ARHGAP18: variants seen among roughly 807,000 people sequenced by gnomAD.
The protein encoded by ARHGAP18 is rho GTPase-activating protein 18.
In ARHGAP18, 67 loss-of-function variants were observed where a neutral mutation model predicts 86.2. That is an observed-to-expected ratio of 0.78 (90% CI 0.64 to 0.95). ARHGAP18 has a LOEUF of 0.95. Ranked by LOEUF, ARHGAP18 falls within the 40% of genes least tolerant of loss-of-function variation. The pLI is 0.00. For missense variants in ARHGAP18, 691 were observed against 780.4 expected, an observed-to-expected ratio of 0.89 and a Z score of 1.37; for synonymous variants, 283 against 280.4, an observed-to-expected ratio of 1.01 and a Z score of -0.09.
intron 12 of ARHGAP18, among the ~76,000 whole-genome samples, chr6:129,592,965 T>G (rs894322267): frequency 1.2e-4 from 18 of 152,190 alleles, no homozygotes; most frequent in African/African-American, 4.1e-4. Context: ...TGTACTATTC[T>G]TTCTACTCGT....
chr6:129,691,904 C>T lies in ARHGAP18; in HGVS notation c.113+18120G>A, dbSNP rs148903587. 1.1e-3 allele frequency among the ~76,000 whole-genome samples: 166 copies of T among 152,310 alleles called. 1 individual carries two copies. The highest frequency in any genetic ancestry group is 3.3e-3 in the African/African-American group (138 of 41,562). On this transcript the variant is annotated intron_variant, in intron 1 of 14. Coordinates refer to ENST00000368149, the MANE Select transcript of ARHGAP18 (RefSeq NM_033515.3). ...CCTGCTCAGCCCACACTGGCTTCTC[C>T]AGTCCTTGGCTGTTCTTGCAAGCCA...
intron 3 of ARHGAP18, among the ~76,000 whole-genome samples, chr6:129,637,391 A>G (rs2114495510): frequency 6.6e-6 from 1 of 152,196 alleles, no homozygotes; most frequent in African/African-American, 2.4e-5. Context: ...CCCTTCATTC[A>G]TCAATCCCAC....
At chr6:129,691,563 T>C (rs1774529132) in intron 1 of ARHGAP18, among the ~76,000 whole-genome samples, 1 of 152,172 alleles carries the variant, frequency 6.6e-6, no homozygotes, top group East Asian at 1.9e-4. Context: ...GGCCAAGGGT[T>C]CACAGAACAA....
At chr6:129,659,471 ATT>A (rs1773906412) in intron 1 of ARHGAP18, among the ~76,000 whole-genome samples, 1 of 151,610 alleles carries the variant, frequency 6.6e-6, no homozygotes, top group African/African-American at 2.4e-5. Context: ...ATTTTATTTT[ATT>A]TTATTTTTTA....
intron 12 of ARHGAP18, among the ~76,000 whole-genome samples, chr6:129,591,040 G>C (rs1381042865): frequency 6.6e-6 from 1 of 152,120 alleles, no homozygotes; most frequent in African/African-American, 2.4e-5. Context: ...GACAAGGAAG[G>C]CCAAATGATA....
rs1788222167 is a variant in ARHGAP18, at chr6:129,578,385, G to A, written c.*128C>T. ...AAATCTATGACTTTTTAAGGCTTAA[G>A]AGAGTCATTTTTAAATACTTGGGTA... On this transcript the variant is annotated 3_prime_UTR_variant, in exon 15 of 15. Transcript: ENST00000368149. 1 of 531,588 alleles carries A rather than the reference G, an allele frequency of 1.9e-6. No homozygotes were observed. The highest frequency in any genetic ancestry group is 1.9e-5 in the African/African-American group (1 of 51,746). 32.9% of individuals were successfully genotyped at this position (531,588 alleles called of 1,614,324 possible).
At chr6:129,617,132 T>C (rs1562692068) in intron 6 of ARHGAP18, among the ~76,000 whole-genome samples, 1 of 152,204 alleles carries the variant, frequency 6.6e-6, no homozygotes, top group Non-Finnish European at 1.5e-5. Flanking sequence ...TTTAACTTTG[T>C]GATTGTATAT....
At chr6:129,625,027 TG>T (rs1789320821) in intron 5 of ARHGAP18, among the ~76,000 whole-genome samples, 1 of 84,150 alleles carries the variant, frequency 1.2e-5, no homozygotes, top group African/African-American at 6.4e-5. Flanking sequence ...ATATGATATA[TG>T]ATATATATTT....
At chr6:129,634,418 G>A (rs1387211350) in intron 3 of ARHGAP18, among the ~76,000 whole-genome samples, 1 of 152,126 alleles carries the variant, frequency 6.6e-6, no homozygotes, top group African/African-American at 2.4e-5. Flanking sequence ...ATTAGTAGTA[G>A]CTATTAATTG....
chr6:129,611,641 C>A, intron 7 of ARHGAP18, 31 bp from the exon 8 acceptor site: 1 of 1,591,916 alleles, frequency 6.3e-7, no homozygotes, highest in South Asian at 1.1e-5. Context: ...ATTCTAATTT[C>A]CGTATTTGTA....
chr6:129,644,266 G>C (rs1282142972), intron 1 of ARHGAP18, among the ~76,000 whole-genome samples: 1 of 152,058 alleles, frequency 6.6e-6, no homozygotes, highest in Admixed American at 6.5e-5. Context: ...TATTCCACCT[G>C]GGTCCCCATA....
At chr6:129,659,727 T>G (rs897843155) in intron 1 of ARHGAP18, among the ~76,000 whole-genome samples, 1 of 152,168 alleles carries the variant, frequency 6.6e-6, no homozygotes, top group African/African-American at 2.4e-5. Flanking sequence ...GGATTATAGG[T>G]GTGAGCCACC....
intron 1 of ARHGAP18, among the ~76,000 whole-genome samples, chr6:129,661,007 G>A (rs1313507599): frequency 7.1e-6 from 1 of 140,506 alleles, no homozygotes; most frequent in Non-Finnish European, 1.5e-5. Flanking sequence ...GAGAAAAAGA[G>A]GACACAAAAC....
At position 129,629,532 on chromosome 6, in the gene ARHGAP18, C is replaced by G. The variant is rs758003816; in HGVS notation, c.617-10G>C. On this transcript the variant is annotated splice_polypyrimidine_tract_variant and intron_variant, in intron 4 of 14. Coordinates refer to ENST00000368149, the MANE Select transcript of ARHGAP18 (RefSeq NM_033515.3). ...AGGTTAGATGCCTCGTCTAGGGGCC[C>G]GGGGGGAAAGAACCCAATTCATATG... is the stretch of plus-strand genomic sequence containing the variant. 3.8e-6 allele frequency: 6 copies of G among 1,597,340 alleles called. No homozygotes were observed. Among genetic ancestry groups the G allele is most frequent in the Non-Finnish European group, 5.1e-6 (6 of 1,174,742 alleles).
chr6:129,663,217 T>A (rs4482995), intron 1 of ARHGAP18, among the ~76,000 whole-genome samples: 67,593 of 151,942 alleles, frequency 0.44, 15,194 homozygotes, highest in Middle Eastern at 0.55. Flanking sequence ...GAAACGACCC[T>A]AGAGATCACT....
At chr6:129,709,112 G>A (rs1440556664) in intron 1 of ARHGAP18, among the ~76,000 whole-genome samples, 1 of 152,092 alleles carries the variant, frequency 6.6e-6, no homozygotes, top group African/African-American at 2.4e-5. Flanking sequence ...AACAAAGAAG[G>A]TTTTATTATC....
chr6:129,635,783 T>C (rs1773319507), intron 3 of ARHGAP18, among the ~76,000 whole-genome samples: 2 of 152,196 alleles, frequency 1.3e-5, no homozygotes, highest in African/African-American at 4.8e-5. Context: ...TGGGTGGCAG[T>C]GTTTCAATTA....
At chr6:129,685,713 C>T (rs1774412023) in intron 1 of ARHGAP18, among the ~76,000 whole-genome samples, 1 of 151,940 alleles carries the variant, frequency 6.6e-6, no homozygotes, top group Non-Finnish European at 1.5e-5. Flanking sequence ...ACGGTGATCA[C>T]TTGATAGTTT....
At chr6:129,676,551 T>C (rs1774234022) in intron 1 of ARHGAP18, among the ~76,000 whole-genome samples, 1 of 152,184 alleles carries the variant, frequency 6.6e-6, no homozygotes, top group African/African-American at 2.4e-5. Flanking sequence ...GAAGATGGAA[T>C]GGAAAGACTC....
Sources: allele counts gnomAD v4.1 joint callset (sites outside exome capture counted in the v4.1 genomes callset), GRCh38; gene constraint gnomAD v4.1.1; transcripts MANE v1.5; gene names NCBI Gene and HGNC (gene_info 2026-07-23, HGNC 2026-07-21).